MYO3A: variants seen among roughly 807,000 people sequenced by gnomAD.
The protein encoded by MYO3A is myosin-IIIa.
MYO3A carries 180 observed loss-of-function variants against 192.7 expected under a neutral mutation model. The observed-to-expected ratio is 0.93, with a 90% CI of 0.83 to 1.06. The LOEUF (loss-of-function observed/expected upper bound fraction) is 1.06, where lower values mean the gene tolerates loss of function less well. MYO3A is among the 50% of genes least tolerant of loss of function. The pLI is 0.00. For missense variants in MYO3A, 1,896 were observed against 1,905.0 expected, an observed-to-expected ratio of 1.00 and a Z score of 0.09; for synonymous variants, 628 against 645.3, an observed-to-expected ratio of 0.97 and a Z score of 0.41.
intron 10 of MYO3A, among the ~76,000 whole-genome samples, chr10:26,030,438 T>A (rs1305070324): frequency 6.6e-6 from 1 of 152,178 alleles, no homozygotes; most frequent in Non-Finnish European, 1.5e-5. Context: ...GGATCTTAGT[T>A]CAAAGGAGGA....
intron 31 of MYO3A, among the ~76,000 whole-genome samples, chr10:26,179,803 A>AT (rs953899911): frequency 2.6e-5 from 4 of 152,198 alleles, no homozygotes; most frequent in Non-Finnish European, 5.9e-5. Context: ...TAACAATAAC[A>AT]TTTTTTAAAA....
chr10:26,034,731 ATGT>A (rs2131174046), intron 10 of MYO3A, among the ~76,000 whole-genome samples: 1 of 152,182 alleles, frequency 6.6e-6, no homozygotes, highest in South Asian at 2.1e-4. Context: ...ACAAAGGCTG[ATGT>A]TGAATCTTCA....
chr10:26,126,624 T>C (rs766022084), intron 19 of MYO3A, among the ~76,000 whole-genome samples: 2 of 152,274 alleles, frequency 1.3e-5, no homozygotes, highest in East Asian at 1.9e-4. Context: ...AGCATTCATA[T>C]GAAAATGGAA....
intron 31 of MYO3A, among the ~76,000 whole-genome samples, chr10:26,182,379 T>G (rs1361936822): frequency 5.3e-5 from 8 of 152,230 alleles, no homozygotes. Context: ...TGATCAGATG[T>G]GCTCTAATAA....
At position 26,026,489 on chromosome 10, in the gene MYO3A, T is replaced by C. The variant is rs1013305687; in HGVS notation, c.910T>C (p.Phe304Leu). 3 of 1,614,138 alleles carry C rather than the reference T, an allele frequency of 1.9e-6. No homozygotes were observed. Among genetic ancestry groups the C allele is most frequent in the African/African-American group, 1.3e-5 (1 of 75,056 alleles). Reference sequence around the variant, plus strand: ...GATGCTACAAAAACAACTAACGGAATTCATTGGCATCCATCAATGCATGGG... The same window carrying C: ...GATGCTACAAAAACAACTAACGGAACTCATTGGCATCCATCAATGCATGGG... ...DVMLQKQLTE[F>L]IGIHQCMGGT... Residue 304 changes from phenylalanine (F) to leucine (L), a missense_variant, in exon 10 of 35, where the codon TTC becomes CTC. Physicochemically the swap from Phe to Leu is conservative, Grantham distance 22 (BLOSUM62 0). Coordinates refer to ENST00000642920, the MANE Select transcript of MYO3A (RefSeq NM_017433.5).
intron 20 of MYO3A, among the ~76,000 whole-genome samples, chr10:26,129,616 C>T (rs1487261455): frequency 2.0e-5 from 3 of 152,288 alleles, no homozygotes; most frequent in East Asian, 1.9e-4. Flanking sequence ...CACTGCATTG[C>T]GTTTCTTCCT....
At chr10:26,120,089 A>G (rs1252055256) in intron 17 of MYO3A, among the ~76,000 whole-genome samples, 1 of 151,860 alleles carries the variant, frequency 6.6e-6, no homozygotes, top group African/African-American at 2.4e-5. Flanking sequence ...ACTTCAGCCC[A>G]GGAGGCAGAG....
chr10:25,956,213 A>G (rs1837526540), intron 4 of MYO3A, among the ~76,000 whole-genome samples: 1 of 152,186 alleles, frequency 6.6e-6, no homozygotes, highest in Non-Finnish European at 1.5e-5. Flanking sequence ...CCTCTTAACA[A>G]TATCACTTTC....
At chr10:26,179,089 A>AT (rs59025321) in intron 31 of MYO3A, among the ~76,000 whole-genome samples, 1,747 of 65,956 alleles carry the variant, frequency 0.026, 251 homozygotes, top group African/African-American at 0.055. Flanking sequence ...GCCCAGCCTA[A>AT]TTTTTTTTTT....
chr10:26,096,358 A>G (rs756013442), intron 15 of MYO3A, 23 bp from the exon 16 acceptor site: 6 of 1,494,870 alleles, frequency 4.0e-6, no homozygotes, highest in Non-Finnish European at 5.6e-6. Flanking sequence ...TAACTACCTT[A>G]CTGTAAATAT....
chr10:26,163,332 G>A (rs745757918), intron 26 of MYO3A, among the ~76,000 whole-genome samples: 5 of 152,142 alleles, frequency 3.3e-5, no homozygotes, highest in East Asian at 3.9e-4. Flanking sequence ...GAGACTTTTC[G>A]AGTCAGGAAA....
At position 26,174,259 on chromosome 10, in the gene MYO3A, A is replaced by G; in HGVS notation, c.3995A>G (p.Lys1332Arg). ...GGCCGTCTGAGGCATGAGACAGTCA[A>G]AGAGAGGCAAGTTGAACCAGTGACA... ...GRGRLRHETV[K>R]ERQVEPVTQA... The change falls in exon 30 of 35, where the codon AAA (lysine) becomes AGA (arginine). Residue 1332 changes from lysine to arginine, a missense_variant. Transcript: ENST00000642920. The G allele has an allele frequency of 1.2e-6, 2 of 1,614,092 alleles. No individual in the cohort carries two copies. Among genetic ancestry groups the G allele is most frequent in the South Asian group, 2.2e-5 (2 of 91,058 alleles).
intron 10 of MYO3A, among the ~76,000 whole-genome samples, chr10:26,034,424 A>G (rs777292422): frequency 4.5e-4 from 69 of 152,228 alleles, no homozygotes; most frequent in Non-Finnish European, 9.3e-4. Flanking sequence ...AGGGACCCAG[A>G]CAGGAGTATT....
In MYO3A at chr10:25,997,275, A is replaced by G. The variant is rs1425628820; in HGVS notation, c.508+17A>G. 1 of 1,549,352 alleles carries G rather than the reference A, an allele frequency of 6.5e-7. No individual in the cohort carries two copies. ...TAGATTTTGGTAAGTTTTGTTTAAAATGCATGAGTTTTAACTCCATAATGA... is the reference window on the plus strand; with the variant it reads ...TAGATTTTGGTAAGTTTTGTTTAAAGTGCATGAGTTTTAACTCCATAATGA... On this transcript the variant is annotated intron_variant, in intron 6 of 34. Coordinates refer to ENST00000642920, the MANE Select transcript of MYO3A (RefSeq NM_017433.5).
chr10:25,994,370 A>G (rs901694218), intron 4 of MYO3A, among the ~76,000 whole-genome samples: 6 of 152,220 alleles, frequency 3.9e-5, no homozygotes, highest in African/African-American at 1.4e-4. Context: ...TGCTTGGTAG[A>G]TCTTCCTCTA....
chr10:26,025,975 A>G (rs1199548584), intron 9 of MYO3A, among the ~76,000 whole-genome samples: 1 of 152,254 alleles, frequency 6.6e-6, no homozygotes, highest in East Asian at 1.9e-4. Flanking sequence ...GGGAAACTGC[A>G]TTGTTTGTTT....
chr10:26,188,323 A>G (rs577694456), intron 31 of MYO3A, among the ~76,000 whole-genome samples: 3 of 152,082 alleles, frequency 2.0e-5, no homozygotes, highest in African/African-American at 7.2e-5. Context: ...TCCTTCGCCC[A>G]CTTTTTGATG....
intron 4 of MYO3A, among the ~76,000 whole-genome samples, chr10:25,958,861 G>A (rs1837731247): frequency 6.6e-6 from 1 of 151,678 alleles, no homozygotes; most frequent in South Asian, 2.1e-4. Flanking sequence ...TTTTAAATGG[G>A]ATTGTTTTTA....
intron 10 of MYO3A, among the ~76,000 whole-genome samples, chr10:26,053,057 A>G (rs1465622551): frequency 1.3e-5 from 2 of 152,216 alleles, no homozygotes; most frequent in Non-Finnish European, 2.9e-5. Flanking sequence ...TCCAAGTCTT[A>G]CAGAAAGAAA....
Sources: gnomAD v4.1 joint callset for allele counts (sites outside exome capture counted in the v4.1 genomes callset) on GRCh38, gnomAD v4.1.1 for gene constraint, MANE v1.5 for transcripts, NCBI Gene and HGNC (gene_info 2026-07-23, HGNC 2026-07-21) for gene names.